BBX: variants seen among roughly 807,000 people sequenced by gnomAD.
The protein encoded by BBX is BBX high mobility group box domain containing.
BBX carries 30 observed loss-of-function variants against 100.2 expected under a neutral mutation model. That is an observed-to-expected ratio of 0.30 (90% CI 0.22 to 0.41). BBX has a LOEUF of 0.41. Among genes scored for constraint, BBX ranks in the 10% least tolerant of loss-of-function variants. The probability of loss-of-function intolerance (pLI) is 1.00; values close to 1 mark genes in which losing one functional copy is unlikely to be tolerated. For missense variants in BBX, 1,023 were observed against 1,129.8 expected, an observed-to-expected ratio of 0.91 and a Z score of 1.35; for synonymous variants, 376 against 388.1, an observed-to-expected ratio of 0.97 and a Z score of 0.37.
At chr3:107,556,917 C>T (rs2050134165) in intron 2 of BBX, among the ~76,000 whole-genome samples, 1 of 152,044 alleles carries the variant, frequency 6.6e-6, no homozygotes, top group South Asian at 2.1e-4. Flanking sequence ...AATTTTGTTG[C>T]CAGAGCTCAG....
chr3:107,588,354 G>T (rs2053024742), intron 2 of BBX, among the ~76,000 whole-genome samples: 1 of 151,052 alleles, frequency 6.6e-6, no homozygotes, highest in Admixed American at 6.6e-5. Context: ...CCTGGAGCAG[G>T]GGGTGAGGAA....
rs201610118 is a variant in BBX at position 107,773,080 on chromosome 3, A to G, written c.1359A>G (p.Lys453=). 13 of 1,613,142 alleles carry G rather than the reference A, an allele frequency of 8.1e-6. No individual in the cohort carries two copies. The African/African-American group carries it at 1.5e-4, about 18-fold the overall frequency. Residue 453 remains lysine, a synonymous_variant, in exon 11 of 18, where the codon AAA becomes AAG. Transcript: ENST00000325805. This position sits in a 1 kb window ranked among gnomAD's most constrained non-coding sequence, Gnocchi z 4.1. ...ACAAGCCAGAAAAGCTAAAAAAGAAAAAGAAGAAAAGCAAAATGGATCGAC... is the reference window on the plus strand; with the variant it reads ...ACAAGCCAGAAAAGCTAAAAAAGAAGAAGAAGAAAAGCAAAATGGATCGAC... ...ALNKPEKLKK[K]KKKSKMDRHG...
intron 10 of BBX, among the ~76,000 whole-genome samples, chr3:107,760,477 G>A (rs553834279): frequency 2.0e-5 from 3 of 152,342 alleles, no homozygotes; most frequent in African/African-American, 2.4e-5. Context: ...TGTGGGGATT[G>A]TAGGAAATTA....
chr3:107,722,355 C>T (rs975232108), intron 5 of BBX, among the ~76,000 whole-genome samples: 3 of 151,858 alleles, frequency 2.0e-5, no homozygotes, highest in African/African-American at 7.3e-5. Context: ...TCACTGTCCA[C>T]CTTTTTAAAA....
Position 107,791,288 on chromosome 3 carries a change from A to T in BBX, c.2342A>T (p.His781Leu). 1 of 1,612,924 alleles carries T rather than the reference A, an allele frequency of 6.2e-7. No individual in the cohort carries two copies. Among genetic ancestry groups the T allele is most frequent in the Non-Finnish European group, 8.5e-7 (1 of 1,179,116 alleles). Residue 781 changes from histidine (H) to leucine (L), a missense_variant, in exon 15 of 18, where the codon CAC (histidine) becomes CTC (leucine). This residue lies in a region of BBX where 215 missense variants were observed against 211.3 expected (regional missense o/e 1.02). Coordinates refer to ENST00000325805, the MANE Select transcript of BBX (RefSeq NM_001142568.3). ...AAGCAACTCTTCTTGGATGCCATTC[A>T]CCCTACAGAAGGTAAGACAAGCAAT... Reference protein sequence around the residue: ...SNKQLFLDAIHPTEAIFSEDR... With the variant: ...SNKQLFLDAILPTEAIFSEDR...
rs193088575 is a variant in BBX, at chr3:107,589,895, T to A, written c.-83-55941T>A. On this transcript the variant is annotated intron_variant, in intron 2 of 17. Transcript: ENST00000325805. ...TTTTCACAGTTGGCTAGAGGTTTCA[T>A]GCTCTATGAATTCTGATTAGTTCTT... 2.6e-5 allele frequency among the ~76,000 whole-genome samples: 4 copies of A among 152,378 alleles called. No homozygotes were observed. The East Asian group carries it at 7.7e-4, about 29-fold the overall frequency.
At chr3:107,534,020 T>A (rs2048333518) in intron 2 of BBX, among the ~76,000 whole-genome samples, 1 of 152,330 alleles carries the variant, frequency 6.6e-6, no homozygotes, top group South Asian at 2.1e-4. Context: ...GAAAAATATG[T>A]CATGGGGAAG....
intron 9 of BBX, among the ~76,000 whole-genome samples, chr3:107,750,208 C>T (rs1266196588): frequency 6.6e-6 from 1 of 152,134 alleles, no homozygotes; most frequent in Admixed American, 6.5e-5. Flanking sequence ...GGGTGTCATT[C>T]CCAGAGGTTG....
intron 15 of BBX, among the ~76,000 whole-genome samples, chr3:107,793,983 A>G (rs1440964522): frequency 1.3e-5 from 2 of 152,070 alleles, no homozygotes; most frequent in Admixed American, 1.3e-4. Flanking sequence ...AAATTTCGGT[A>G]TATATGTATT....
At chr3:107,642,246 T>C (rs2057256068) in intron 2 of BBX, among the ~76,000 whole-genome samples, 1 of 149,236 alleles carries the variant, frequency 6.7e-6, no homozygotes, top group East Asian at 1.9e-4. Flanking sequence ...TCAACAAGAA[T>C]TTTTTGACTA....
chr3:107,676,244 A>G (rs1270461086), intron 3 of BBX, among the ~76,000 whole-genome samples: 5 of 152,200 alleles, frequency 3.3e-5, no homozygotes, highest in Admixed American at 6.6e-5. Context: ...ATTGTATCTG[A>G]ATTATCATAG....
At chr3:107,547,682 A>G (rs1194971051) in intron 2 of BBX, among the ~76,000 whole-genome samples, 1 of 152,188 alleles carries the variant, frequency 6.6e-6, no homozygotes, top group Non-Finnish European at 1.5e-5. Flanking sequence ...TTTGAAGATC[A>G]TAACAAATAT....
chr3:107,569,461 C>T (rs572119511), intron 2 of BBX, among the ~76,000 whole-genome samples: 6 of 151,352 alleles, frequency 4.0e-5, no homozygotes, highest in East Asian at 1.9e-4. Context: ...GGGCTGAGTC[C>T]GAAAAGAGCC....
chr3:107,685,535 C>T (rs2059796952), intron 3 of BBX, among the ~76,000 whole-genome samples: 1 of 152,216 alleles, frequency 6.6e-6, no homozygotes, highest in African/African-American at 2.4e-5. Context: ...TTTTCTTCAT[C>T]AGCTCTCGCC....
At chr3:107,561,194 T>TC (rs2050468987) in intron 2 of BBX, among the ~76,000 whole-genome samples, 1 of 152,218 alleles carries the variant, frequency 6.6e-6, no homozygotes, top group East Asian at 1.9e-4. Context: ...TGTTAGGTGT[T>TC]ATATAAGATG....
At chr3:107,749,146 A>G (rs1445550925) in intron 9 of BBX, among the ~76,000 whole-genome samples, 1 of 152,224 alleles carries the variant, frequency 6.6e-6, no homozygotes, top group Non-Finnish European at 1.5e-5. Context: ...TAACAAAAAT[A>G]TATAATGTTA....
chr3:107,764,506 AT>A (rs2066208387), intron 10 of BBX, among the ~76,000 whole-genome samples: 1 of 152,242 alleles, frequency 6.6e-6, no homozygotes, highest in African/African-American at 2.4e-5. Flanking sequence ...TTATAAAAAA[AT>A]AAAGTAGTAC....
In BBX at chr3:107,522,979, T is replaced by G. The variant is rs1311015552; in HGVS notation, c.-284T>G. 1 of 152,586 alleles carries G rather than the reference T, an allele frequency of 6.6e-6. No individual in the cohort carries two copies. Among genetic ancestry groups the G allele is most frequent in the African/African-American group, 2.4e-5 (1 of 41,448 alleles). 9.5% of individuals were successfully genotyped at this position (152,586 alleles called of 1,614,324 possible). On this transcript the variant is annotated 5_prime_UTR_variant, in exon 1 of 18. Coordinates refer to ENST00000325805, the MANE Select transcript of BBX (RefSeq NM_001142568.3). ...CTCTCCGGGTTGCATGTACTGTATGTGGAGCAGTGTACAGTGAAGCGGAGG... is the reference window on the plus strand; with the variant it reads ...CTCTCCGGGTTGCATGTACTGTATGGGGAGCAGTGTACAGTGAAGCGGAGG...
At chr3:107,671,559 A>G (rs2059020341) in intron 3 of BBX, among the ~76,000 whole-genome samples, 1 of 152,122 alleles carries the variant, frequency 6.6e-6, no homozygotes, top group African/African-American at 2.4e-5. Context: ...TATTTGGTGA[A>G]ATTAAGTGAA....
Sources: gnomAD v4.1 joint callset for allele counts (sites outside exome capture counted in the v4.1 genomes callset) on GRCh38, gnomAD v4.1.1 for gene constraint, gnomAD v4.1.1 regional missense constraint, Gnocchi (gnomAD v3.1) non-coding constraint, MANE v1.5 for transcripts, NCBI Gene and HGNC (gene_info 2026-07-23, HGNC 2026-07-21) for gene names.